EGFR: variants seen among roughly 807,000 people sequenced by gnomAD.
EGFR encodes avian erythroblastic leukemia viral (v-erb-b) oncogene homolog.
In EGFR, 58 loss-of-function variants were observed where a neutral mutation model predicts 143.0. The observed-to-expected ratio is 0.41, with a 90% CI of 0.33 to 0.50. The LOEUF (loss-of-function observed/expected upper bound fraction) is 0.50. Among genes scored for constraint, EGFR ranks in the 20% least tolerant of loss-of-function variants. The probability of loss-of-function intolerance (pLI) is 0.39; values close to 1 mark genes in which losing one functional copy is unlikely to be tolerated. For synonymous variants in EGFR, 613 were observed against 594.4 expected, an observed-to-expected ratio of 1.03 and a Z score of -0.45; for missense variants, 1,307 against 1,579.0, an observed-to-expected ratio of 0.83 and a Z score of 2.92.
In EGFR at chr7:55,210,829, C is replaced by T. The variant is rs1440694700; in HGVS notation, c.*5212C>T. The stretch of plus-strand genomic sequence containing the variant: ...TATAATATTCTTGCTGCTTATGCAG[C>T]TGACATTGTTGCCCTCCCTAAAGCA... On this transcript the variant is annotated 3_prime_UTR_variant, in exon 28 of 28. Transcript: ENST00000275493. The T allele has an allele frequency of 2.6e-5, 4 of 152,222 alleles. No individual in the cohort carries two copies. In the East Asian group the frequency reaches 7.7e-4, roughly 29 times the overall value. 9.4% of individuals were successfully genotyped at this position (152,222 alleles called of 1,614,324 possible).
chr7:55,096,527 T>G (rs1791479534), intron 1 of EGFR, among the ~76,000 whole-genome samples: 1 of 152,176 alleles, frequency 6.6e-6, no homozygotes, highest in Non-Finnish European at 1.5e-5. Context: ...TGATAAGTTC[T>G]GTTTATGGCC....
chr7:55,163,831 C>T lies in EGFR; in HGVS notation c.1722+8C>T, dbSNP rs1785829818. 7 of 1,613,914 alleles carry T rather than the reference C, an allele frequency of 4.3e-6. No homozygotes were observed. Among genetic ancestry groups the T allele is most frequent in the African/African-American group, 4.0e-5 (3 of 74,942 alleles). Reference sequence around the variant, plus strand: ...ATCACCTGCACAGGACGGGTAAGAGCCCCTTGCTGCTATCCACGTCCATTT... The same window carrying T: ...ATCACCTGCACAGGACGGGTAAGAGTCCCTTGCTGCTATCCACGTCCATTT... On this transcript the variant is annotated splice_region_variant and intron_variant, in intron 14 of 27. Transcript: ENST00000275493.
chr7:55,203,569 CACACAT>C (rs1787964011), intron 27 of EGFR, among the ~76,000 whole-genome samples: 4 of 16,150 alleles, frequency 2.5e-4, no homozygotes, highest in African/African-American at 5.4e-4. Flanking sequence ...ACACACCACA[CACACAT>C]ACGCCACACA....
chr7:55,170,232 G>A, intron 15 of EGFR: 2 of 1,612,014 alleles, frequency 1.2e-6, no homozygotes, highest in Non-Finnish European at 1.7e-6. Context: ...AAACTGTTAG[G>A]ATCAGATTAT....
rs1017699345 is a variant in EGFR, at chr7:55,080,319, G to A, written c.88+60954G>A. On this transcript the variant is annotated intron_variant, in intron 1 of 27. Transcript: ENST00000275493. ...TCTTTTTGTTTTGTTTTTAGTAACTGCCAGTCACTGCTTGTGGTATACATA... is the reference window on the plus strand; with the variant it reads ...TCTTTTTGTTTTGTTTTTAGTAACTACCAGTCACTGCTTGTGGTATACATA... 4.0e-5 allele frequency among the ~76,000 whole-genome samples: 6 copies of A among 151,292 alleles called. No individual in the cohort carries two copies. In the South Asian group the frequency reaches 6.3e-4, roughly 16 times the overall value.
intron 1 of EGFR, among the ~76,000 whole-genome samples, chr7:55,056,112 A>C (rs1256658250): frequency 1.3e-5 from 2 of 152,166 alleles, no homozygotes; most frequent in Non-Finnish European, 1.5e-5. Flanking sequence ...GCTCCTCAAA[A>C]CCTGAAAAAT....
intron 1 of EGFR, among the ~76,000 whole-genome samples, chr7:55,026,015 C>G (rs1435350733): frequency 6.6e-6 from 1 of 152,022 alleles, no homozygotes; most frequent in Non-Finnish European, 1.5e-5. Context: ...AAAGCAGTAG[C>G]TTTTGAACCT....
At chr7:55,119,897 T>G (rs541101370) in intron 1 of EGFR, among the ~76,000 whole-genome samples, 1 of 152,302 alleles carries the variant, frequency 6.6e-6, no homozygotes, top group South Asian at 2.1e-4. Flanking sequence ...AGAGATGCAG[T>G]TGGCCAGGTC....
In EGFR at chr7:55,210,157, T is replaced by C. The variant is rs944944171; in HGVS notation, c.*4540T>C. ...ATGCCATACTCTCATCATCTGCCAG[T>C]GTAACCCTGTACATGTAAGAAAAGC... On this transcript the variant is annotated 3_prime_UTR_variant, in exon 28 of 28. Transcript: ENST00000275493. The C allele has an allele frequency of 6.6e-6, 1 of 152,266 alleles. No homozygotes were observed. The highest frequency in any genetic ancestry group is 1.9e-4 in the East Asian group (1 of 5,208). 9.4% of individuals were successfully genotyped at this position (152,266 alleles called of 1,614,324 possible).
intron 1 of EGFR, among the ~76,000 whole-genome samples, chr7:55,073,548 G>A (rs1206157438): frequency 6.6e-6 from 1 of 152,168 alleles, no homozygotes; most frequent in African/African-American, 2.4e-5. Flanking sequence ...TGGCCCATAG[G>A]GAAATGAAGT....
intron 3 of EGFR, 42 bp downstream of exon 3, chr7:55,143,530 G>A (rs746194430): frequency 2.5e-6 from 4 of 1,609,734 alleles, no homozygotes; most frequent in Non-Finnish European, 3.4e-6. Flanking sequence ...CATAAATGCA[G>A]ACAGCAGTTC....
At chr7:55,036,989 C>T (rs1398059158) in intron 1 of EGFR, among the ~76,000 whole-genome samples, 1 of 152,156 alleles carries the variant, frequency 6.6e-6, no homozygotes, top group Non-Finnish European at 1.5e-5. Flanking sequence ...AGAAAATCAA[C>T]CCCTTGGTGA....
At chr7:55,067,740 A>C (rs1386853644) in intron 1 of EGFR, among the ~76,000 whole-genome samples, 1 of 151,518 alleles carries the variant, frequency 6.6e-6, no homozygotes, top group African/African-American at 2.5e-5. Flanking sequence ...ATGCACGTAC[A>C]TTGTATACTC....
chr7:55,146,245 A>G (rs563609352), intron 3 of EGFR, among the ~76,000 whole-genome samples: 1 of 151,618 alleles, frequency 6.6e-6, no homozygotes, highest in South Asian at 2.1e-4. Context: ...TGCCCTGCCT[A>G]CCCCCTACAT....
intron 18 of EGFR, 34 bp downstream of exon 18, chr7:55,174,077 C>T (rs747534770): frequency 3.7e-6 from 6 of 1,613,828 alleles, no homozygotes; most frequent in East Asian, 2.2e-5. Context: ...TGGGCTGGGC[C>T]GCAGGGCCTC....
chr7:55,161,686 T>G, intron 13 of EGFR, 55 bp downstream of exon 13: 1 of 1,613,456 alleles, frequency 6.2e-7, no homozygotes, highest in Non-Finnish European at 8.5e-7. Flanking sequence ...GGCTCCAGGT[T>G]GTTGTTATAG....
At chr7:55,060,858 A>G (rs79198232) in intron 1 of EGFR, among the ~76,000 whole-genome samples, 4,002 of 152,294 alleles carry the variant, frequency 0.026, 80 homozygotes, top group Non-Finnish European at 0.041. Context: ...TAACCATGTG[A>G]GCGTCAAAAA....
intron 1 of EGFR, among the ~76,000 whole-genome samples, chr7:55,124,906 G>A (rs367782233): frequency 5.3e-5 from 8 of 152,206 alleles, no homozygotes; most frequent in Admixed American, 1.3e-4. Context: ...CAAGTTTGTC[G>A]ATTCACCCTC....
Position 55,019,474 on chromosome 7 carries a change from C to G in EGFR, c.88+109C>G, listed in dbSNP as rs1455421605. Reference sequence around the variant, plus strand: ...CCGGCTCGGCGCCCGCGCCCCCGCCCGTCCTTTCCTGTTTCCTTGAGATCA... The same window carrying G: ...CCGGCTCGGCGCCCGCGCCCCCGCCGGTCCTTTCCTGTTTCCTTGAGATCA... On this transcript the variant is annotated intron_variant, in intron 1 of 27. Coordinates refer to ENST00000275493, the MANE Select transcript of EGFR (RefSeq NM_005228.5). The G allele has an allele frequency of 1.8e-5, 10 of 542,390 alleles. No homozygotes were observed. The South Asian group carries it at 3.3e-4, about 18-fold the overall frequency. The allele number at this position is 542,390 out of a possible 1,614,324, so 33.6% of individuals were successfully genotyped here.
Sources: allele counts gnomAD v4.1 joint callset (sites outside exome capture counted in the v4.1 genomes callset), GRCh38; gene constraint gnomAD v4.1.1; transcripts MANE v1.5; gene names NCBI Gene and HGNC (gene_info 2026-07-23, HGNC 2026-07-21).